LMO7: variants seen among roughly 807,000 people sequenced by gnomAD.
LMO7 encodes LIM domain only protein 7.
A neutral mutation model predicts 206.5 loss-of-function variants in LMO7; 120 were observed. The observed-to-expected ratio is 0.58, with a 90% CI of 0.50 to 0.68. LMO7 has a LOEUF of 0.68. LMO7 is among the 30% of genes least tolerant of loss of function. The probability of loss-of-function intolerance (pLI) is 0.00; values close to 1 mark genes in which losing one functional copy is unlikely to be tolerated. For synonymous variants in LMO7, 706 were observed against 681.5 expected (o/e 1.04, Z -0.56); for missense variants, 1,959 against 1,957.9 (o/e 1.00, Z -0.01).
At chr13:75,625,772 A>G (rs2033974475) in intron 2 of LMO7, among the ~76,000 whole-genome samples, 1 of 152,212 alleles carries the variant, frequency 6.6e-6, no homozygotes, top group South Asian at 2.1e-4. Flanking sequence ...GGTGTTGTTC[A>G]TGATCCTTAT....
chr13:75,759,137 AACTC>A (rs1433647548), intron 3 of LMO7, among the ~76,000 whole-genome samples: 1 of 152,126 alleles, frequency 6.6e-6, no homozygotes, highest in Non-Finnish European at 1.5e-5. Context: ...ATCTCTTGAG[AACTC>A]ACTCACTATC....
rs753614919 is a variant in LMO7, at chr13:75,849,115, C to T, written c.4187C>T (p.Thr1396Ile). Residue 1396 changes from threonine to isoleucine, a missense_variant, in exon 27 of 31, where the codon ACC becomes ATC. Coordinates refer to ENST00000377534, the MANE Select transcript of LMO7 (RefSeq NM_001306080.2). ...NKYLDQIGNMTSSQRRSKKEQ... is the reference protein window; with the variant it reads ...NKYLDQIGNMISSQRRSKKEQ... ...TATTTAGACCAAATTGGGAACATGA[C>T]CTCTTCACAGAGGAGATCCAAGAAA... 1.9e-6 allele frequency: 3 copies of T among 1,612,116 alleles called. No homozygotes were observed. Among genetic ancestry groups the T allele is most frequent in the Non-Finnish European group, 2.5e-6 (3 of 1,178,202 alleles).
At chr13:75,686,526 CTTTTT>C (rs3036372) in intron 1 of LMO7, among the ~76,000 whole-genome samples, 3 of 135,832 alleles carry the variant, frequency 2.2e-5, no homozygotes, top group African/African-American at 8.2e-5. Flanking sequence ...CCTATCTTAC[CTTTTT>C]TTTTTTTTTT....
At chr13:75,710,426 A>C (rs2138057415) in intron 1 of LMO7, among the ~76,000 whole-genome samples, 1 of 152,300 alleles carries the variant, frequency 6.6e-6, no homozygotes, top group African/African-American at 2.4e-5. Context: ...TCTTCTATCC[A>C]TGAGCATGGA....
chr13:75,818,479 A>G (rs895675679), intron 12 of LMO7, among the ~76,000 whole-genome samples: 13 of 152,154 alleles, frequency 8.5e-5, no homozygotes, highest in Non-Finnish European at 1.6e-4. Flanking sequence ...TTTTGGAGAC[A>G]TGGAAAACTT....
chr13:75,635,799 G>T (rs975132820), upstream of LMO7: 1 of 152,168 alleles, frequency 6.6e-6, no homozygotes, highest in African/African-American at 2.4e-5. Context: ...GCCGCAGGGG[G>T]CGGGGAGCGT....
At chr13:75,624,078 C>G (rs1037492337) in intron 2 of LMO7, among the ~76,000 whole-genome samples, 2 of 152,200 alleles carry the variant, frequency 1.3e-5, no homozygotes, top group Non-Finnish European at 2.9e-5. Context: ...CAATGGTTTG[C>G]TTCTGCTGAA....
intron 2 of LMO7, among the ~76,000 whole-genome samples, chr13:75,630,763 A>T (rs957207776): frequency 1.3e-5 from 2 of 152,232 alleles, no homozygotes; most frequent in Non-Finnish European, 2.9e-5. Flanking sequence ...TAAACATTTA[A>T]AAAATACAAA....
intron 1 of LMO7, among the ~76,000 whole-genome samples, chr13:75,706,968 A>G (rs1005683581): frequency 2.0e-5 from 3 of 152,006 alleles, no homozygotes; most frequent in African/African-American, 4.8e-5. Context: ...GATAATAATA[A>G]GGATTATTAA....
chr13:75,744,194 C>A (rs558020278), intron 3 of LMO7, among the ~76,000 whole-genome samples: 4 of 152,322 alleles, frequency 2.6e-5, no homozygotes, highest in Non-Finnish European at 5.9e-5. Context: ...AGGTCAGTGT[C>A]ACCCAGAAAG....
intron 1 of LMO7, among the ~76,000 whole-genome samples, chr13:75,661,743 C>T (rs1299514180): frequency 2.0e-5 from 3 of 152,138 alleles, no homozygotes; most frequent in African/African-American, 4.8e-5. Context: ...TTGCCCCTCC[C>T]GTGCTTTATT....
intron 15 of LMO7, among the ~76,000 whole-genome samples, chr13:75,832,829 T>C (rs2058786397): frequency 6.6e-6 from 1 of 152,140 alleles, no homozygotes; most frequent in Non-Finnish European, 1.5e-5. Context: ...AAACATGTAA[T>C]GACAATAAGA....
In LMO7 at chr13:75,823,575, C is replaced by T; in HGVS notation, c.2651C>T (p.Ala884Val). ...TGTTTTCTTATTTAGATGGATGATGCTTGGAAGTATAATGGAGATGTTGAA... is the reference window on the plus strand; with the variant it reads ...TGTTTTCTTATTTAGATGGATGATGTTTGGAAGTATAATGGAGATGTTGAA... ...SLPRSYTMDD[A>V]WKYNGDVEDI... The change falls in exon 15 of 31, where the codon GCT becomes GTT. Residue 884 changes from alanine to valine, a missense_variant. Transcript: ENST00000377534. The T allele has an allele frequency of 6.2e-7, 1 of 1,605,728 alleles. No individual in the cohort carries two copies. Among genetic ancestry groups the T allele is most frequent in the Non-Finnish European group, 8.5e-7 (1 of 1,172,914 alleles).
intron 3 of LMO7, among the ~76,000 whole-genome samples, chr13:75,729,865 T>A (rs1464414088): frequency 3.0e-4 from 46 of 151,264 alleles, no homozygotes; most frequent in African/African-American, 1.1e-3. Context: ...CAAAGGCCTT[T>A]TCTGCATCTA....
chr13:75,818,545 G>C (rs1021401725), intron 12 of LMO7, among the ~76,000 whole-genome samples: 4 of 152,050 alleles, frequency 2.6e-5, no homozygotes, highest in Non-Finnish European at 5.9e-5. Context: ...TAGGTTTCTG[G>C]GGGGGATTGA....
intron 4 of LMO7, among the ~76,000 whole-genome samples, chr13:75,778,645 C>T (rs2050863256): frequency 6.6e-6 from 1 of 152,218 alleles, no homozygotes. Context: ...AGGCGTTTCA[C>T]TTAACTTCGA....
At chr13:75,804,081 G>T in intron 7 of LMO7, 1 of 522,406 alleles carries the variant, frequency 1.9e-6, no homozygotes, top group Non-Finnish European at 3.4e-6. Context: ...AGCAGCAAAA[G>T]AATGTACTGC....
At chr13:75,690,121 A>G (rs1367406826) in intron 1 of LMO7, among the ~76,000 whole-genome samples, 1 of 146,730 alleles carries the variant, frequency 6.8e-6, no homozygotes, top group African/African-American at 2.5e-5. Flanking sequence ...ACTTTTAGAG[A>G]TGGGGGTCTT....
At chr13:75,706,229 G>A (rs1034246756) in intron 1 of LMO7, among the ~76,000 whole-genome samples, 1 of 152,152 alleles carries the variant, frequency 6.6e-6, no homozygotes, top group Non-Finnish European at 1.5e-5. Flanking sequence ...CCCCTACTTG[G>A]CCTCAACAGG....
Sources: gnomAD v4.1 joint callset for allele counts (sites outside exome capture counted in the v4.1 genomes callset) on GRCh38, gnomAD v4.1.1 for gene constraint, MANE v1.5 for transcripts, NCBI Gene and HGNC (gene_info 2026-07-23, HGNC 2026-07-21) for gene names.